VDAC1: variants seen among roughly 807,000 people sequenced by gnomAD.
VDAC1 encodes voltage dependent anion channel 1.
In VDAC1, 10 loss-of-function variants were observed where a neutral mutation model predicts 34.7. The observed-to-expected ratio is 0.29, with a 90% confidence interval of 0.18 to 0.49. The LOEUF is 0.49. Among genes scored for constraint, VDAC1 ranks in the 20% least tolerant of loss-of-function variants. The pLI, the probability that VDAC1 is intolerant of heterozygous loss-of-function variation, is 0.99. For synonymous variants in VDAC1, 130 were observed against 136.0 expected, an observed-to-expected ratio of 0.96 and a Z score of 0.30; for missense variants, 230 against 347.9, an observed-to-expected ratio of 0.66 and a Z score of 2.69.
At chr5:134,053,555 C>T in the VDAC1 span, among the ~76,000 whole-genome samples, 1 of 152,188 alleles carries the variant, frequency 6.6e-6, no homozygotes, top group African/African-American at 2.4e-5. Context: ...GGACCTCACC[C>T]CAGGGCAGCT....
chr5:134,053,418 A>G, the VDAC1 span, among the ~76,000 whole-genome samples: 149 of 152,268 alleles, frequency 9.8e-4, no homozygotes, highest in African/African-American at 3.3e-3. Context: ...CTGTGGGTCA[A>G]TGGACCCATT....
At chr5:134,100,026 T>C in the VDAC1 span, among the ~76,000 whole-genome samples, 1 of 152,252 alleles carries the variant, frequency 6.6e-6, no homozygotes, top group Non-Finnish European at 1.5e-5. Flanking sequence ...AAACACGCCC[T>C]GTGAGCCCAG....
rs554071233 is a variant in VDAC1, at chr5:133,982,822, G to A, written c.324-1866C>T. ...GGAGAATCACTTGAACCCAGGAGGT[G>A]GAGGTTGCAGTGAGCCAAGACCGCG... On this transcript the variant is annotated intron_variant, in intron 5 of 8. Coordinates refer to ENST00000265333, the MANE Select transcript of VDAC1 (RefSeq NM_003374.3). Among the ~76,000 whole-genome samples, 25 of 146,636 alleles carry A rather than the reference G, an allele frequency of 1.7e-4. No homozygotes were observed. The East Asian group carries it at 3.3e-3, about 19-fold the overall frequency.
chr5:134,026,940 G>C, the VDAC1 span, among the ~76,000 whole-genome samples: 23,390 of 152,236 alleles, frequency 0.15, 1,894 homozygotes, highest in South Asian at 0.24. Context: ...ATTCCCACTA[G>C]AGCGTTAGGC....
At chr5:134,040,261 T>G in the VDAC1 span, among the ~76,000 whole-genome samples, 6 of 152,062 alleles carry the variant, frequency 3.9e-5, no homozygotes, top group Non-Finnish European at 8.8e-5. Context: ...CGAAACCCGG[T>G]CTCCACTAAA....
chr5:134,084,951 C>T, the VDAC1 span, among the ~76,000 whole-genome samples: 3 of 152,302 alleles, frequency 2.0e-5, no homozygotes, highest in Admixed American at 6.5e-5. Flanking sequence ...ATTCAACCCA[C>T]GGTTTGACTA....
At chr5:134,091,245 C>T in the VDAC1 span, among the ~76,000 whole-genome samples, 15 of 152,296 alleles carry the variant, frequency 9.8e-5, no homozygotes, top group East Asian at 5.8e-4. Context: ...AAATAGAGCA[C>T]GGCTTGTGCC....
chr5:134,035,150 G>A, the VDAC1 span, among the ~76,000 whole-genome samples: 6 of 152,176 alleles, frequency 3.9e-5, no homozygotes, highest in Admixed American at 2.0e-4. Flanking sequence ...GCTGGGCTGA[G>A]GCAGGAGAAG....
At chr5:133,987,342 C>G (rs1438505656) in intron 5 of VDAC1, among the ~76,000 whole-genome samples, 3 of 147,652 alleles carry the variant, frequency 2.0e-5, no homozygotes, top group African/African-American at 7.6e-5. Context: ...GCCTAGGTGA[C>G]AGAGTGAGAC....
At chr5:134,009,353 C>T (rs1373349598), upstream of VDAC1, among the ~76,000 whole-genome samples, 1 of 143,892 alleles carries the variant, frequency 6.9e-6, no homozygotes, top group Non-Finnish European at 1.5e-5. Flanking sequence ...CCTCCCAGGT[C>T]CTGGTTCAAG....
chr5:134,028,340 C>A, the VDAC1 span, among the ~76,000 whole-genome samples: 1 of 151,756 alleles, frequency 6.6e-6, no homozygotes, highest in Non-Finnish European at 1.5e-5. Flanking sequence ...ACCATGTTGG[C>A]CAGGCTGGTC....
intron 6 of VDAC1, among the ~76,000 whole-genome samples, chr5:133,978,505 C>T (rs1752565331): frequency 6.6e-6 from 1 of 152,222 alleles, no homozygotes; most frequent in Non-Finnish European, 1.5e-5. Context: ...GACCCAGGCA[C>T]TGCCTGATTC....
the VDAC1 span, among the ~76,000 whole-genome samples, chr5:134,072,307 T>C: frequency 1.3e-5 from 2 of 152,094 alleles, no homozygotes. Context: ...TGCCCAGGAT[T>C]AAAACTGGAG....
chr5:134,098,169 C>CTTATTATTATTA, the VDAC1 span, among the ~76,000 whole-genome samples: 150 of 146,940 alleles, frequency 1.0e-3, no homozygotes, highest in African/African-American at 1.8e-3. Context: ...CCATGCCCTG[C>CTTATTATTATTA]TTATTATTAT....
At chr5:134,085,824 C>T in the VDAC1 span, among the ~76,000 whole-genome samples, 490 of 146,330 alleles carry the variant, frequency 3.3e-3, 3 homozygotes, top group Non-Finnish European at 5.6e-3. Flanking sequence ...GGGAGGATCA[C>T]TTAAGCTCAA....
At chr5:134,053,366 G>A in the VDAC1 span, among the ~76,000 whole-genome samples, 33 of 152,202 alleles carry the variant, frequency 2.2e-4, no homozygotes, top group East Asian at 2.1e-3. Flanking sequence ...CTTCCAACCC[G>A]CACCCACCAT....
the VDAC1 span, among the ~76,000 whole-genome samples, chr5:134,046,979 T>G: frequency 1.3e-5 from 2 of 152,276 alleles, no homozygotes; most frequent in African/African-American, 4.8e-5. Flanking sequence ...GCAATGTTTT[T>G]GCCACCCTGC....
At chr5:134,103,490 G>A in the VDAC1 span, among the ~76,000 whole-genome samples, 9 of 152,266 alleles carry the variant, frequency 5.9e-5, no homozygotes, top group East Asian at 1.7e-3. Context: ...ACCTCCCATG[G>A]CAGGAGAGAT....
chr5:134,008,817 G>A (rs886913106), upstream of VDAC1, among the ~76,000 whole-genome samples: 91 of 152,182 alleles, frequency 6.0e-4, no homozygotes, highest in Admixed American at 3.2e-3. Context: ...TCAATTAATT[G>A]GATTATAAAG....
Sources: gnomAD v4.1 joint callset for allele counts (sites outside exome capture counted in the v4.1 genomes callset) on GRCh38, gnomAD v4.1.1 for gene constraint, MANE v1.5 for transcripts, NCBI Gene and HGNC (gene_info 2026-07-23, HGNC 2026-07-21) for gene names.